Variants in CLSTN3 observed in about 807,000 individuals in gnomAD.
CLSTN3 encodes calsyntenin 3, also known as calsyntenin-3.
Under a neutral mutation model 95.9 loss-of-function variants are expected in CLSTN3, and 36 were observed. The ratio of observed to expected loss-of-function variants is 0.38; its 90% CI spans 0.29 to 0.50. The LOEUF is 0.50. Among genes scored for constraint, CLSTN3 ranks in the 20% least tolerant of loss-of-function variants. CLSTN3 has a pLI of 0.95. For synonymous variants in CLSTN3, 481 were observed against 504.0 expected (o/e 0.95, Z 0.61); for missense variants, 1,084 against 1,268.8 (o/e 0.85, Z 2.21).
chr12:7,137,248 C>T lies in CLSTN3; in HGVS notation c.1210+138C>T. The T allele has an allele frequency of 1.2e-6, 1 of 805,110 alleles. No homozygotes were observed. The highest frequency in any genetic ancestry group is 1.9e-6 in the Non-Finnish European group (1 of 519,136). The allele number at this position is 805,110 out of a possible 1,614,324, so 49.9% of individuals were successfully genotyped here. ...AGGTGCAAGTGCCAGGTGTGATATGCCTTGATTCTGTGCTTTATCCCCAAC... is the reference window on the plus strand; with the variant it reads ...AGGTGCAAGTGCCAGGTGTGATATGTCTTGATTCTGTGCTTTATCCCCAAC... On this transcript the variant is annotated intron_variant, in intron 7 of 17. Transcript: ENST00000266546. The surrounding 1 kb of genome is among the most constrained non-coding windows in gnomAD (Gnocchi z 4.4).
chr12:7,157,426 C>A lies in CLSTN3; in HGVS notation c.2528-63C>A, dbSNP rs569457478. ...GGCTGCCTCTTTTCCTACCCAGCCC[C>A]CTGTCCAAGTGCCCCCAGGTGTGCC... On this transcript the variant is annotated intron_variant, in intron 16 of 17. Transcript: ENST00000266546. This position sits in a 1 kb window ranked among gnomAD's most constrained non-coding sequence, Gnocchi z 5.9. The A allele has an allele frequency of 7.0e-6, 10 of 1,436,922 alleles. No homozygotes were observed. In the South Asian group the frequency reaches 9.9e-5, roughly 14 times the overall value. 89.0% of individuals were successfully genotyped at this position (1,436,922 alleles called of 1,614,324 possible). A position where few individuals can be genotyped will look rare whatever the true frequency, so the allele number is the denominator to read the frequency against.
At position 7,157,453 on chromosome 12, in the gene CLSTN3, A is replaced by G. The variant is rs2135821708; in HGVS notation, c.2528-36A>G. ...TGTCCAAGTGCCCCCAGGTGTGCCT[A>G]GTCACGCTCTGCTCACCCCCGCGCT... On this transcript the variant is annotated intron_variant, in intron 16 of 17. Coordinates refer to ENST00000266546, the MANE Select transcript of CLSTN3 (RefSeq NM_014718.4). The surrounding 1 kb of genome is among the most constrained non-coding windows in gnomAD (Gnocchi z 5.9). 6.6e-7 allele frequency: 1 copy of G among 1,513,504 alleles called. No homozygotes were observed. The allele number at this position is 1,513,504 out of a possible 1,614,324, so 93.8% of individuals were successfully genotyped here.
In CLSTN3 at chr12:7,146,061, G is replaced by T. The variant is rs1409303627; in HGVS notation, c.1847+2750G>T. ...GAATTTTATTTATCCTCTACTCTGA[G>T]GCTAGGTGAGTGATCTTAAGTTGAG... On this transcript the variant is annotated intron_variant, in intron 12 of 17. Coordinates refer to ENST00000266546, the MANE Select transcript of CLSTN3 (RefSeq NM_014718.4). 2.0e-5 allele frequency among the ~76,000 whole-genome samples: 3 copies of T among 152,150 alleles called. No homozygotes were observed. The East Asian group carries it at 5.8e-4, about 29-fold the overall frequency.
In CLSTN3 at chr12:7,158,032, C is replaced by G. The variant is rs1279978129; in HGVS notation, c.2822C>G (p.Pro941Arg). The change falls in exon 18 of 18, where the codon CCC (proline) becomes CGC (arginine). Residue 941 changes from proline to arginine, a missense_variant. By Grantham distance (103) the Pro-to-Arg change is moderately radical. Coordinates refer to ENST00000266546, the MANE Select transcript of CLSTN3 (RefSeq NM_014718.4). Reference sequence around the variant, plus strand: ...AGTGACTCGGAGGTGGCCGATTCCCCCAGCAGCGACGAGAGACGCATCATC... The same window carrying G: ...AGTGACTCGGAGGTGGCCGATTCCCGCAGCAGCGACGAGAGACGCATCATC... ...DSSDSEVADS[P>R]SSDERRIIET... 1 of 1,550,134 alleles carries G rather than the reference C, an allele frequency of 6.5e-7. No individual in the cohort carries two copies. The highest frequency in any genetic ancestry group is 8.7e-7 in the Non-Finnish European group (1 of 1,146,140).
At chr12:7,129,878 C>T (rs1939245759), upstream of CLSTN3, 1 of 915,462 alleles carries the variant, frequency 1.1e-6, no homozygotes, top group Non-Finnish European at 1.3e-6. This position sits in a 1 kb window ranked among gnomAD's most constrained non-coding sequence, Gnocchi z 5.5. Context: ...GGTCCCAGAG[C>T]CTCGATACCG....
At chr12:7,134,409 C>T (rs1431214013) in intron 3 of CLSTN3, among the ~76,000 whole-genome samples, 2 of 152,246 alleles carry the variant, frequency 1.3e-5, no homozygotes, top group Non-Finnish European at 2.9e-5. Context: ...GATCTTCAGT[C>T]AGGATTCCTG....
At chr12:7,138,920 C>T (rs1939479373) in intron 8 of CLSTN3, 1 of 142,384 alleles carries the variant, frequency 7.0e-6, no homozygotes, top group Admixed American at 7.0e-5. Context: ...GGGCTGTCTA[C>T]AAAAGTTTTG....
intron 8 of CLSTN3, among the ~76,000 whole-genome samples, chr12:7,138,274 A>T (rs754806687): frequency 4.0e-4 from 58 of 143,824 alleles, no homozygotes; most frequent in African/African-American, 1.5e-3. Flanking sequence ...TTCTGGATTT[A>T]AAAAAAAAAG....
Position 7,143,215 on chromosome 12 carries a change from A to T in CLSTN3, c.1751A>T (p.Glu584Val), listed in dbSNP as rs1333451715. The stretch of plus-strand genomic sequence containing the variant: ...CTCACCCTGGAGGGGGATGATGTGG[A>T]GACCTTCAACCATGCCCTGCAGCAT... ...SLLTLEGDDV[E>V]TFNHALQHVA... The change falls in exon 12 of 18, where the codon GAG (glutamate) becomes GTG (valine). Residue 584 changes from glutamate to valine, a missense_variant. Glu to Val is a moderately radical substitution (Grantham distance 121, BLOSUM62 -2). Coordinates refer to ENST00000266546, the MANE Select transcript of CLSTN3 (RefSeq NM_014718.4). 2.5e-6 allele frequency: 4 copies of T among 1,614,014 alleles called. No homozygotes were observed. The highest frequency in any genetic ancestry group is 3.4e-6 in the Non-Finnish European group (4 of 1,180,042).
intron 12 of CLSTN3, among the ~76,000 whole-genome samples, chr12:7,148,121 A>C (rs1939652596): frequency 6.6e-6 from 1 of 151,396 alleles, no homozygotes; most frequent in Non-Finnish European, 1.5e-5. Flanking sequence ...GCACCATTGC[A>C]CCCTAGCCTG....
Position 7,158,144 on chromosome 12 carries a change from T to C in CLSTN3, c.*63T>C. 6.9e-7 allele frequency: 1 copy of C among 1,442,632 alleles called. No individual in the cohort carries two copies. Among genetic ancestry groups the C allele is most frequent in the Admixed American group, 2.7e-5 (1 of 37,652 alleles). 89.4% of individuals were successfully genotyped at this position (1,442,632 alleles called of 1,614,324 possible). The stretch of plus-strand genomic sequence containing the variant: ...CCTGGTGAAACAGACACTCCAGACA[T>C]GGGAGAAGGACTTTCTGGGAACACA... On this transcript the variant is annotated 3_prime_UTR_variant, in exon 18 of 18. Coordinates refer to ENST00000266546, the MANE Select transcript of CLSTN3 (RefSeq NM_014718.4).
In CLSTN3 at chr12:7,158,220, AC is replaced by A; in HGVS notation, c.*143del. 1 of 1,078,506 alleles carries A rather than the reference AC, an allele frequency of 9.3e-7. No individual in the cohort carries two copies. Among genetic ancestry groups the A allele is most frequent in the Non-Finnish European group, 1.3e-6 (1 of 798,284 alleles). 66.8% of individuals were successfully genotyped at this position (1,078,506 alleles called of 1,614,324 possible). A position where few individuals can be genotyped will look rare whatever the true frequency, so the allele number is the denominator to read the frequency against. On this transcript the variant is annotated 3_prime_UTR_variant, in exon 18 of 18. Transcript: ENST00000266546. ...GAACCAGTCCTCCTTTCATTTCAAA[AC>A]CCCAGCGGGCCCTCTGGAGTCCGCC...
chr12:7,141,121 G>A lies in CLSTN3; in HGVS notation c.1324-121G>A, dbSNP rs986614674. ...AGGCAGCAAAGCACTAGTAAGCCCT[G>A]TTGGTAGAACTGGGAATAAAGGGAC... On this transcript the variant is annotated intron_variant, in intron 8 of 17. Transcript: ENST00000266546. This position sits in a 1 kb window ranked among gnomAD's most constrained non-coding sequence, Gnocchi z 4.1. The A allele has an allele frequency of 6.2e-6, 7 of 1,124,848 alleles. No homozygotes were observed. In the African/African-American group the frequency reaches 9.4e-5, roughly 15 times the overall value. The allele number at this position is 1,124,848 out of a possible 1,614,324, so 69.7% of individuals were successfully genotyped here.
chr12:7,130,303 T>TTC (rs1491585575), upstream of CLSTN3: 40 of 779,504 alleles, frequency 5.1e-5, no homozygotes, highest in African/African-American at 4.8e-4. Context: ...CAGCACCTGG[T>TTC]CCCCCCCCCT....
At position 7,149,467 on chromosome 12, in the gene CLSTN3, T is replaced by C; in HGVS notation, c.2075-56T>C. On this transcript the variant is annotated intron_variant, in intron 13 of 17. Coordinates refer to ENST00000266546, the MANE Select transcript of CLSTN3 (RefSeq NM_014718.4). This position sits in a 1 kb window ranked among gnomAD's most constrained non-coding sequence, Gnocchi z 4.5. ...GTGGTGATGAGGGCATGGTTGGGTC[T>C]CAGAACCTCCGTGGGCCCTTTGGCT... The C allele has an allele frequency of 6.5e-7, 1 of 1,544,152 alleles. No homozygotes were observed. The highest frequency in any genetic ancestry group is 8.8e-7 in the Non-Finnish European group (1 of 1,134,066).
rs56109046 is a variant in CLSTN3, at chr12:7,147,396, C to CA, written c.1848-1547dup. Among the ~76,000 whole-genome samples, 388 of 50,560 alleles carry CA rather than the reference C, an allele frequency of 7.7e-3. 57 individuals carry two copies. In the East Asian group the frequency reaches 0.078, roughly 10 times the overall value. 33.2% of individuals were successfully genotyped at this position (50,560 alleles called of 152,430 possible). A position where few individuals can be genotyped will look rare whatever the true frequency, so the allele number is the denominator to read the frequency against. ...CCTGGGCAACAGAGAGAGACTCTGC[C>CA]AAAAAAAAAAAAAAAAAAAAAAAAA... On this transcript the variant is annotated intron_variant, in intron 12 of 17. Coordinates refer to ENST00000266546, the MANE Select transcript of CLSTN3 (RefSeq NM_014718.4).
chr12:7,157,769 A>G lies in CLSTN3; in HGVS notation c.2730+78A>G. On this transcript the variant is annotated intron_variant, in intron 17 of 17. Coordinates refer to ENST00000266546, the MANE Select transcript of CLSTN3 (RefSeq NM_014718.4). The surrounding 1 kb of genome is among the most constrained non-coding windows in gnomAD (Gnocchi z 5.9). The stretch of plus-strand genomic sequence containing the variant: ...ACGGTGAGGACTCCTGAGGAGGGGC[A>G]GGCCTGGGTGGAGGCTGTTCGCAGA... 1.3e-6 allele frequency: 2 copies of G among 1,510,216 alleles called. No homozygotes were observed. Among genetic ancestry groups the G allele is most frequent in the Non-Finnish European group, 8.9e-7 (1 of 1,118,712 alleles). 93.6% of individuals were successfully genotyped at this position (1,510,216 alleles called of 1,614,324 possible). A position where few individuals can be genotyped will look rare whatever the true frequency, so the allele number is the denominator to read the frequency against.
At chr12:7,145,421 C>A (rs747461505) in intron 12 of CLSTN3, among the ~76,000 whole-genome samples, 1 of 151,886 alleles carries the variant, frequency 6.6e-6, no homozygotes, top group Non-Finnish European at 1.5e-5. Context: ...CCTAGCAATA[C>A]CTCCCTTTCC....
Position 7,157,476 on chromosome 12 carries a change from G to A in CLSTN3, c.2528-13G>A, listed in dbSNP as rs759122019. On this transcript the variant is annotated splice_polypyrimidine_tract_variant and intron_variant, in intron 16 of 17. Transcript: ENST00000266546. The surrounding 1 kb of genome is among the most constrained non-coding windows in gnomAD (Gnocchi z 5.9). Reference sequence around the variant, plus strand: ...CTAGTCACGCTCTGCTCACCCCCGCGCTCTCTCTGCAGTGATACCCAGCGC... The same window carrying A: ...CTAGTCACGCTCTGCTCACCCCCGCACTCTCTCTGCAGTGATACCCAGCGC... 2.2e-5 allele frequency: 34 copies of A among 1,554,162 alleles called. No homozygotes were observed. Among genetic ancestry groups the A allele is most frequent in the African/African-American group, 6.8e-5 (5 of 73,272 alleles).
Sources: allele counts gnomAD v4.1 joint callset (sites outside exome capture counted in the v4.1 genomes callset), GRCh38; gene constraint gnomAD v4.1.1; non-coding constraint Gnocchi (gnomAD v3.1); transcripts MANE v1.5; gene names NCBI Gene and HGNC (gene_info 2026-07-23, HGNC 2026-07-21).